GC: variants seen among roughly 807,000 people sequenced by gnomAD.
The protein encoded by GC is vitamin D-binding protein.
A neutral mutation model predicts 56.7 loss-of-function variants in GC; 43 were observed. The ratio of observed to expected loss-of-function variants is 0.76; its 90% CI spans 0.59 to 0.98. GC has a LOEUF of 0.98. GC is among the 50% of genes least tolerant of loss of function. The pLI, the probability that GC is intolerant of heterozygous loss-of-function variation, is 0.00. For missense variants in GC, 529 were observed against 545.9 expected (o/e 0.97, Z 0.31); for synonymous variants, 216 against 202.7 (o/e 1.07, Z -0.56).
intron 8 of GC, among the ~76,000 whole-genome samples, chr4:71,755,785 A>T (rs1165179812): frequency 6.6e-6 from 1 of 152,188 alleles, no homozygotes; most frequent in African/African-American, 2.4e-5. Context: ...TTTTCTGTGA[A>T]AATTGGTTTG....
At chr4:71,777,216 C>T (rs1742534508) in intron 1 of GC, among the ~76,000 whole-genome samples, 1 of 151,448 alleles carries the variant, frequency 6.6e-6, no homozygotes, top group South Asian at 2.1e-4. Context: ...TATTAAATCC[C>T]AGTAAGAAAC....
At chr4:71,742,557 A>G (rs1295652207) in intron 12 of GC, among the ~76,000 whole-genome samples, 1 of 152,144 alleles carries the variant, frequency 6.6e-6, no homozygotes, top group Non-Finnish European at 1.5e-5. Flanking sequence ...GGTATCTAAA[A>G]TATTTTCACC....
At chr4:71,800,081 A>G (rs1414795344) in intron 1 of GC, among the ~76,000 whole-genome samples, 1 of 149,366 alleles carries the variant, frequency 6.7e-6, no homozygotes, top group Non-Finnish European at 1.5e-5. Context: ...TTTTTTTTTT[A>G]ATTTTACTTT....
In GC at chr4:71,803,851, T is replaced by C. The variant is rs1313494456; in HGVS notation, c.21+75A>G. ...GTGTTGGTAGTCAGAACATTGTAAA[T>C]TCATTTTATAAGGAAACTAAAGCTC... On this transcript the variant is annotated intron_variant, in intron 1 of 13. Coordinates refer to the GC transcript ENST00000504199. The C allele has an allele frequency of 7.3e-6, 6 of 826,930 alleles. No individual in the cohort carries two copies. In the Admixed American group the frequency reaches 1.2e-4, roughly 17 times the overall value. 51.2% of individuals were successfully genotyped at this position (826,930 alleles called of 1,614,324 possible). A position where few individuals can be genotyped will look rare whatever the true frequency, so the allele number is the denominator to read the frequency against.
chr4:71,803,663 T>C (rs1045015550), intron 1 of GC, among the ~76,000 whole-genome samples: 24 of 152,214 alleles, frequency 1.6e-4, no homozygotes, highest in African/African-American at 5.8e-4. Flanking sequence ...GAAAATTTGG[T>C]ATAAACTCAT....
chr4:71,795,722 CT>C (rs1348644491), intron 1 of GC, among the ~76,000 whole-genome samples: 1 of 152,080 alleles, frequency 6.6e-6, no homozygotes, highest in Non-Finnish European at 1.5e-5. Flanking sequence ...GTTATTGTGC[CT>C]GTTAATTGAT....
chr4:71,747,122 AT>A (rs1247945818), intron 11 of GC, among the ~76,000 whole-genome samples: 1 of 152,196 alleles, frequency 6.6e-6, no homozygotes, highest in African/African-American at 2.4e-5. Context: ...TCGTGGGGCA[AT>A]GGGTAAATGA....
At chr4:71,768,630 T>A (rs1742248723) in intron 2 of GC, among the ~76,000 whole-genome samples, 197 bp from the exon 3 acceptor site, 2 of 152,150 alleles carry the variant, frequency 1.3e-5, no homozygotes, top group Non-Finnish European at 2.9e-5. Flanking sequence ...TACGCCCGGC[T>A]AATTTTTGTA....
chr4:71,786,267 A>T (rs765508325), upstream of GC, among the ~76,000 whole-genome samples: 1 of 151,748 alleles, frequency 6.6e-6, no homozygotes, highest in Non-Finnish European at 1.5e-5. Flanking sequence ...TTATTTATGT[A>T]ACTTTCCTTA....
At chr4:71,804,135 G>C, upstream of GC, 2 of 608,232 alleles carry the variant, frequency 3.3e-6, no homozygotes, top group Non-Finnish European at 5.9e-6. Flanking sequence ...ACAGACCCTG[G>C]CTGAGCAATG....
intron 11 of GC, among the ~76,000 whole-genome samples, chr4:71,746,907 C>G (rs373445492): frequency 1.8e-4 from 26 of 147,178 alleles, no homozygotes; most frequent in African/African-American, 6.4e-4. Flanking sequence ...ATGTGAAGCA[C>G]TGTGGGCAGA....
In GC at chr4:71,754,416, C is replaced by A. The variant is rs1352368967; in HGVS notation, c.1257G>T (p.Lys419Asn). 4.8e-6 allele frequency: 7 copies of A among 1,458,418 alleles called. No homozygotes were observed. Among genetic ancestry groups the A allele is most frequent in the East Asian group, 2.3e-5 (1 of 44,096 alleles). 90.3% of individuals were successfully genotyped at this position (1,458,418 alleles called of 1,614,324 possible). A position where few individuals can be genotyped will look rare whatever the true frequency, so the allele number is the denominator to read the frequency against. Residue 419 changes from lysine (K) to asparagine (N), a missense_variant, in exon 10 of 13, where the codon AAG (lysine) becomes AAT (asparagine). Physicochemically the swap from Lys to Asn is moderately conservative, Grantham distance 94. Coordinates refer to ENST00000273951, the MANE Select transcript of GC (RefSeq NM_000583.4). ...DYSENTFTEY[K>N]KKLAERLKAK... ...AGCCAGAACAAGTTTCTTACTTTTT[C>A]TTGTACTCAGTAAATGTATTTTCTG... is the stretch of plus-strand genomic sequence containing the variant.
chr4:71,776,882 A>G (rs1441108319), intron 1 of GC, among the ~76,000 whole-genome samples: 1 of 151,962 alleles, frequency 6.6e-6, no homozygotes, highest in Non-Finnish European at 1.5e-5. Context: ...GTTATACTGT[A>G]TAAACCGAAA....
chr4:71,792,680 C>T (rs1743001092), intron 1 of GC, among the ~76,000 whole-genome samples: 1 of 152,116 alleles, frequency 6.6e-6, no homozygotes, highest in Non-Finnish European at 1.5e-5. Flanking sequence ...TCCCATTTGT[C>T]TATTTTGACT....
chr4:71,765,318 T>C (rs754369229), intron 4 of GC, 114 bp downstream of exon 4: 15 of 795,476 alleles, frequency 1.9e-5, no homozygotes, highest in Non-Finnish European at 3.2e-5. Context: ...AGTCAAGTTA[T>C]CAGAATTTGT....
rs1469857263 is a variant in GC at position 71,768,359 on chromosome 4, A to T, written c.203T>A (p.Val68Asp). The change falls in exon 3 of 13, where the codon GTC (valine) becomes GAC (aspartate). Residue 68 changes from valine to aspartate, a missense_variant. Coordinates refer to ENST00000273951, the MANE Select transcript of GC (RefSeq NM_000583.4). ...CGCACAGCAGGCTTCGGTCAAGGAGACAACTTCCTTCACAAGTTGGCTGAC... is the reference window on the plus strand; with the variant it reads ...CGCACAGCAGGCTTCGGTCAAGGAGTCAACTTCCTTCACAAGTTGGCTGAC... ...EQVSQLVKEV[V>D]SLTEACCAEG... 1.9e-6 allele frequency: 3 copies of T among 1,613,266 alleles called. No homozygotes were observed. Among genetic ancestry groups the T allele is most frequent in the Non-Finnish European group, 8.5e-7 (1 of 1,179,490 alleles).
upstream of GC, among the ~76,000 whole-genome samples, chr4:71,804,271 T>C (rs770492659): frequency 9.9e-5 from 15 of 152,198 alleles, no homozygotes; most frequent in Non-Finnish European, 1.0e-4. Flanking sequence ...TGTGAACAGC[T>C]GGAGCTGCTT....
At chr4:71,759,008 T>A (rs1372155704) in intron 6 of GC, among the ~76,000 whole-genome samples, 1 of 152,236 alleles carries the variant, frequency 6.6e-6, no homozygotes, top group Non-Finnish European at 1.5e-5. Context: ...TTACTTTAAA[T>A]ACTTCGTATG....
intron 1 of GC, among the ~76,000 whole-genome samples, chr4:71,773,341 T>C (rs1742401906): frequency 1.3e-5 from 2 of 152,120 alleles, no homozygotes; most frequent in Admixed American, 6.6e-5. Flanking sequence ...TGTTTAATTC[T>C]GAACTTTTGA....
Sources: gnomAD v4.1 joint callset for allele counts (sites outside exome capture counted in the v4.1 genomes callset) on GRCh38, gnomAD v4.1.1 for gene constraint, MANE v1.5 for transcripts, NCBI Gene and HGNC (gene_info 2026-07-23, HGNC 2026-07-21) for gene names.